TTC27: variants seen among roughly 807,000 people sequenced by gnomAD.
TTC27 encodes the protein tetratricopeptide repeat domain 27, also known as tetratricopeptide repeat protein 27.
Under a neutral mutation model 115.9 loss-of-function variants are expected in TTC27, and 79 were observed. The observed-to-expected ratio is 0.68, with a 90% CI of 0.57 to 0.82. The LOEUF (loss-of-function observed/expected upper bound fraction) is 0.82, where lower values mean the gene tolerates loss of function less well. TTC27 is among the 40% of genes least tolerant of loss of function. The pLI, the probability that TTC27 is intolerant of heterozygous loss-of-function variation, is 0.00. For missense variants in TTC27, 1,054 were observed against 993.1 expected (o/e 1.06, Z -0.82); for synonymous variants, 401 against 356.0 (o/e 1.13, Z -1.42).
In TTC27 at chr2:32,628,141, C is replaced by G; in HGVS notation, c.-152C>G. On this transcript the variant is annotated 5_prime_UTR_variant, in exon 1 of 20. The change creates a new upstream start codon in the 5' untranslated region. Transcript: ENST00000317907. Reference sequence around the variant, plus strand: ...TATGGCCGCCTCCTTGAGGTAGTATCCGCACATGGAATTCTAGGGCCGCAG... The same window carrying G: ...TATGGCCGCCTCCTTGAGGTAGTATGCGCACATGGAATTCTAGGGCCGCAG... 1.4e-6 allele frequency: 1 copy of G among 695,590 alleles called. No individual in the cohort carries two copies. Among genetic ancestry groups the G allele is most frequent in the East Asian group, 2.9e-5 (1 of 34,040 alleles). The allele number at this position is 695,590 out of a possible 1,614,324, so 43.1% of individuals were successfully genotyped here.
chr2:32,711,231 C>A (rs1667569075), intron 10 of TTC27, among the ~76,000 whole-genome samples: 1 of 151,930 alleles, frequency 6.6e-6, no homozygotes, highest in African/African-American at 2.4e-5. Flanking sequence ...GTTCATTTTG[C>A]CATTCAAATG....
intron 13 of TTC27, among the ~76,000 whole-genome samples, chr2:32,760,399 GT>G (rs1223857839): frequency 1.3e-5 from 2 of 152,128 alleles, no homozygotes; most frequent in Admixed American, 1.3e-4. Context: ...GTCATTTTTG[GT>G]TTTGACAGTG....
At chr2:32,644,585 C>CTTTTTA (rs1200191882) in intron 4 of TTC27, among the ~76,000 whole-genome samples, 2 of 151,670 alleles carry the variant, frequency 1.3e-5, no homozygotes, top group Admixed American at 6.6e-5. Context: ...GAAATTTTGC[C>CTTTTTA]TTTTTCTTTT....
At chr2:32,748,704 T>TC (rs1476501515) in intron 12 of TTC27, among the ~76,000 whole-genome samples, 5 of 151,678 alleles carry the variant, frequency 3.3e-5, no homozygotes, top group Non-Finnish European at 7.4e-5. Flanking sequence ...TTTTTTTTTT[T>TC]TGAGATGGAG....
At chr2:32,719,973 G>C (rs757441940) in intron 10 of TTC27, among the ~76,000 whole-genome samples, 1 of 152,182 alleles carries the variant, frequency 6.6e-6, no homozygotes, top group Non-Finnish European at 1.5e-5. Flanking sequence ...TATGAGAGAA[G>C]GCTTTCAGAA....
rs1042588370 is a variant in TTC27, at chr2:32,655,873, A to C, written c.640+5640A>C. 4.6e-5 allele frequency among the ~76,000 whole-genome samples: 7 copies of C among 152,258 alleles called. No homozygotes were observed. The South Asian group carries it at 1.5e-3, about 32-fold the overall frequency. Reference sequence around the variant, plus strand: ...CTATTCAATATGGTAGCCACTAGCCATGTATGGCTACTTAAATTCAAATAA... The same window carrying C: ...CTATTCAATATGGTAGCCACTAGCCCTGTATGGCTACTTAAATTCAAATAA... On this transcript the variant is annotated intron_variant, in intron 5 of 19. Coordinates refer to ENST00000317907, the MANE Select transcript of TTC27 (RefSeq NM_017735.5).
chr2:32,695,668 G>C (rs1464866176), intron 9 of TTC27, among the ~76,000 whole-genome samples: 1 of 141,062 alleles, frequency 7.1e-6, no homozygotes, highest in African/African-American at 2.6e-5. Context: ...GCAGTGAGCT[G>C]AGATCGCGCC....
intron 2 of TTC27, among the ~76,000 whole-genome samples, chr2:32,631,406 T>G (rs932570335): frequency 3.3e-5 from 5 of 152,350 alleles, no homozygotes; most frequent in Admixed American, 3.3e-4. Flanking sequence ...ATTATCTTTA[T>G]AGAGCTCAGA....
At chr2:32,675,894 C>A (rs1428683295) in intron 8 of TTC27, among the ~76,000 whole-genome samples, 1 of 151,886 alleles carries the variant, frequency 6.6e-6, no homozygotes. Flanking sequence ...CAGGTTCAAG[C>A]GATTTTCTTG....
At chr2:32,686,299 AT>A (rs997017921) in intron 9 of TTC27, among the ~76,000 whole-genome samples, 97 of 149,652 alleles carry the variant, frequency 6.5e-4, no homozygotes, top group Admixed American at 3.9e-3. Context: ...CCCCATAGGC[AT>A]TTTTTTTTTA....
chr2:32,794,723 C>T (rs1261152938), intron 16 of TTC27, among the ~76,000 whole-genome samples: 1 of 151,942 alleles, frequency 6.6e-6, no homozygotes, highest in Admixed American at 6.6e-5. Context: ...AGAGAAGATT[C>T]AGATTACTGA....
intron 3 of TTC27, among the ~76,000 whole-genome samples, chr2:32,639,931 G>C (rs961111017): frequency 6.6e-6 from 1 of 152,148 alleles, no homozygotes; most frequent in South Asian, 2.1e-4. Context: ...CCCGGGAGAT[G>C]GAAGTTGCAG....
At chr2:32,659,355 C>T (rs200665863) in intron 5 of TTC27, among the ~76,000 whole-genome samples, 13 of 118,230 alleles carry the variant, frequency 1.1e-4, no homozygotes, top group Non-Finnish European at 1.4e-4. Context: ...GGTGTTACCT[C>T]TTTTTTTTTT....
intron 16 of TTC27, among the ~76,000 whole-genome samples, chr2:32,808,724 G>C (rs752658420): frequency 7.2e-5 from 11 of 152,082 alleles, no homozygotes; most frequent in Admixed American, 7.2e-4. Context: ...TCCCCACATC[G>C]TCTCCCCAGT....
At chr2:32,816,990 C>A (rs943166508) in intron 18 of TTC27, among the ~76,000 whole-genome samples, 2 of 152,034 alleles carry the variant, frequency 1.3e-5, no homozygotes, top group African/African-American at 2.4e-5. Flanking sequence ...TGTGTGTGCT[C>A]GAATGCATGC....
At chr2:32,715,173 C>T (rs1296075236) in intron 10 of TTC27, among the ~76,000 whole-genome samples, 1 of 152,066 alleles carries the variant, frequency 6.6e-6, no homozygotes, top group Non-Finnish European at 1.5e-5. Context: ...ATAGTACTTT[C>T]TAGGTTATCT....
At chr2:32,638,637 C>T (rs1572463264) in intron 3 of TTC27, among the ~76,000 whole-genome samples, 1 of 152,076 alleles carries the variant, frequency 6.6e-6, no homozygotes, top group Non-Finnish European at 1.5e-5. Flanking sequence ...CGTGGCCTTC[C>T]AGAGTGCTGG....
chr2:32,664,638 T>C (rs534223108), intron 6 of TTC27, among the ~76,000 whole-genome samples, 171 bp downstream of exon 6: 5 of 152,310 alleles, frequency 3.3e-5, no homozygotes, highest in Non-Finnish European at 1.5e-5. Context: ...TTTGAAATGA[T>C]ATATTTTCCT....
chr2:32,730,967 G>A lies in TTC27; in HGVS notation c.1234-2861G>A, dbSNP rs76315007. Among the ~76,000 whole-genome samples, 476 of 152,218 alleles carry A rather than the reference G, an allele frequency of 3.1e-3. 6 individuals carry two copies. The highest frequency in any genetic ancestry group is 0.011 in the African/African-American group (444 of 41,546). On this transcript the variant is annotated intron_variant, in intron 10 of 19. Coordinates refer to ENST00000317907, the MANE Select transcript of TTC27 (RefSeq NM_017735.5). ...TAATTTAATGTTCTTAGTTTTCGTT[G>A]ATAGTTAAATTTTATGTAGATGGTT...
Sources: gnomAD v4.1 joint callset for allele counts (sites outside exome capture counted in the v4.1 genomes callset) on GRCh38, gnomAD v4.1.1 for gene constraint, MANE v1.5 for transcripts, NCBI Gene and HGNC (gene_info 2026-07-23, HGNC 2026-07-21) for gene names.